The following TRIP11 variants were observed in gnomAD, a reference collection of about 807,000 sequenced individuals.
TRIP11 encodes the protein thyroid hormone receptor interactor 11.
A neutral mutation model predicts 223.1 loss-of-function variants in TRIP11; 148 were observed. The observed-to-expected ratio is 0.66, with a 90% confidence interval of 0.58 to 0.76. The LOEUF (loss-of-function observed/expected upper bound fraction) is 0.76. TRIP11 is among the 30% of genes least tolerant of loss of function. The probability of loss-of-function intolerance (pLI) is 0.00; values close to 1 mark genes in which losing one functional copy is unlikely to be tolerated. For missense variants in TRIP11, 2,043 were observed against 2,222.0 expected (o/e 0.92, Z 1.62); for synonymous variants, 762 against 772.6 (o/e 0.99, Z 0.23).
At chr14:92,026,464 G>A (rs1595407807) in intron 2 of TRIP11, 5 of 727,392 alleles carry the variant, frequency 6.9e-6, no homozygotes, top group African/African-American at 1.7e-5. Flanking sequence ...ATTGTTCCTC[G>A]TCCGCCTCCT....
intron 11 of TRIP11, among the ~76,000 whole-genome samples, chr14:92,000,428 C>A (rs557559124): frequency 6.6e-6 from 1 of 152,062 alleles, no homozygotes; most frequent in South Asian, 2.1e-4. Flanking sequence ...TTAAGGAATT[C>A]GAGTCAAGTA....
chr14:92,036,398 C>G (rs373966640), intron 1 of TRIP11, among the ~76,000 whole-genome samples: 1 of 152,108 alleles, frequency 6.6e-6, no homozygotes. Flanking sequence ...TCATTTAATC[C>G]TCTCAACCTC....
At chr14:91,983,065 C>G (rs2056563959) in intron 16 of TRIP11, among the ~76,000 whole-genome samples, 1 of 152,208 alleles carries the variant, frequency 6.6e-6, no homozygotes, top group South Asian at 2.1e-4. Flanking sequence ...GCCTTCTTAG[C>G]TATACCTATT....
chr14:92,019,754 A>G (rs2057085882), intron 4 of TRIP11, among the ~76,000 whole-genome samples: 1 of 152,224 alleles, frequency 6.6e-6, no homozygotes, highest in African/African-American at 2.4e-5. Context: ...AATCTGAAAC[A>G]TTTGAGTGCC....
chr14:91,991,284 AAGG>A (rs1326965185), intron 15 of TRIP11, among the ~76,000 whole-genome samples: 1 of 152,114 alleles, frequency 6.6e-6, no homozygotes, highest in Non-Finnish European at 1.5e-5. Flanking sequence ...ATGATGTAGC[AAGG>A]AGGTTTACCA....
chr14:92,030,799 G>C (rs1214314976), intron 2 of TRIP11: 1 of 152,072 alleles, frequency 6.6e-6, no homozygotes, highest in African/African-American at 2.4e-5. Context: ...AGATGACACA[G>C]AAATGAAAAA....
chr14:92,039,660 C>T lies in TRIP11; in HGVS notation c.26G>A (p.Gly9Asp), dbSNP rs2057362703. 1 of 1,612,326 alleles carries T rather than the reference C, an allele frequency of 6.2e-7. No individual in the cohort carries two copies. ...ACCCAGAGACTGGCCCAATCCGGAG[C>T]CGAGGCCCCCAAGCCAGGACGACAT... MSSWLGGL[G>D]SGLGQSLGQV... The change falls in exon 1 of 21, where the codon GGC becomes GAC. Residue 9 changes from glycine to aspartate, a missense_variant. By Grantham distance (94) the Gly-to-Asp change is moderately conservative. Transcript: ENST00000267622.
intron 16 of TRIP11, among the ~76,000 whole-genome samples, chr14:91,985,490 CAT>C (rs2056594702): frequency 1.3e-5 from 2 of 152,180 alleles, no homozygotes; most frequent in African/African-American, 4.8e-5. Context: ...CTCTCTTTTT[CAT>C]ATGTTTGACC....
At chr14:92,009,291 C>T (rs2056942871) in intron 9 of TRIP11, among the ~76,000 whole-genome samples, 1 of 152,168 alleles carries the variant, frequency 6.6e-6, no homozygotes, top group African/African-American at 2.4e-5. Flanking sequence ...ACCTTGGCCT[C>T]CCAAAGTGCT....
chr14:92,018,011 A>C (rs1305170782), intron 4 of TRIP11, among the ~76,000 whole-genome samples: 3 of 152,176 alleles, frequency 2.0e-5, no homozygotes, highest in Non-Finnish European at 4.4e-5. Flanking sequence ...AGGTAGAAAA[A>C]TTTATAGAAT....
chr14:92,025,207 AT>A lies in TRIP11; in HGVS notation c.312+102del, dbSNP rs201523358. ...ATCATTAAATTCATCACCTTTTCAT[AT>A]TTTTACAGATCTGAATATACCTCGA... On this transcript the variant is annotated intron_variant, in intron 3 of 20. Transcript: ENST00000267622. 1,440 of 880,932 alleles carry A rather than the reference AT, an allele frequency of 1.6e-3. 19 individuals carry two copies. In the African/African-American group the frequency reaches 0.021, roughly 13 times the overall value. The allele number at this position is 880,932 out of a possible 1,614,324, so 54.6% of individuals were successfully genotyped here.
chr14:92,002,788 T>G (rs1291773372), intron 11 of TRIP11, among the ~76,000 whole-genome samples: 1 of 151,820 alleles, frequency 6.6e-6, no homozygotes, highest in Admixed American at 6.6e-5. Context: ...ACTATGTTGG[T>G]CAGGCTGGTC....
chr14:92,009,738 A>G (rs1361775308), intron 9 of TRIP11, among the ~76,000 whole-genome samples: 1 of 152,226 alleles, frequency 6.6e-6, no homozygotes, highest in Non-Finnish European at 1.5e-5. Flanking sequence ...AACACTGCAT[A>G]TATACTAATG....
intron 16 of TRIP11, among the ~76,000 whole-genome samples, chr14:91,984,333 T>TAAAA: frequency 7.4e-6 from 1 of 134,322 alleles, no homozygotes; most frequent in Non-Finnish European, 1.7e-5. Flanking sequence ...TTTTTTTTTT[T>TAAAA]GGGACCAAGT....
At position 92,017,677 on chromosome 14, in the gene TRIP11, C is replaced by T; in HGVS notation, c.657+5G>A. ...CTCCCATCATCAATCAACAATTTGA[C>T]TTACCTTAATGATATTTTGTAGTTT... On this transcript the variant is annotated splice_donor_5th_base_variant and intron_variant, in intron 5 of 20. Transcript: ENST00000267622. 6.2e-7 allele frequency: 1 copy of T among 1,606,806 alleles called. No individual in the cohort carries two copies. The highest frequency in any genetic ancestry group is 8.5e-7 in the Non-Finnish European group (1 of 1,174,440).
At chr14:91,993,783 T>C in intron 15 of TRIP11, 26 bp downstream of exon 15, 1 of 1,546,558 alleles carries the variant, frequency 6.5e-7, no homozygotes, top group Non-Finnish European at 8.9e-7. Context: ...TAATAAAACC[T>C]ACAAGAGAAA....
intron 5 of TRIP11, among the ~76,000 whole-genome samples, chr14:92,016,361 A>G (rs1235581884): frequency 6.6e-6 from 1 of 152,142 alleles, no homozygotes; most frequent in Admixed American, 6.6e-5. Context: ...AGCTGAGTCC[A>G]TCGACTAGGG....
chr14:92,015,635 G>A, intron 6 of TRIP11, 61 bp downstream of exon 6: 2 of 1,415,866 alleles, frequency 1.4e-6, no homozygotes, highest in Admixed American at 2.1e-5. Flanking sequence ...TCCAGCCTGG[G>A]CAACAGATGG....
rs1566843418 is a variant in TRIP11 at position 91,975,287 on chromosome 14, CTA to C, written c.5343-3_5343-2del. 1.2e-6 allele frequency: 2 copies of C among 1,611,202 alleles called. No individual in the cohort carries two copies. The highest frequency in any genetic ancestry group is 1.7e-5 in the Admixed American group (1 of 59,950). On this transcript the variant is annotated splice_acceptor_variant and splice_polypyrimidine_tract_variant and intron_variant, in intron 17 of 20. Coordinates refer to ENST00000267622, the MANE Select transcript of TRIP11 (RefSeq NM_004239.4). LOFTEE classifies it high-confidence loss of function. The stretch of plus-strand genomic sequence containing the variant: ...AATGAAGAGGTTTCTCATTAGGACT[CTA>C]TGAAAATAAAGGCAGAAACAGCTCA...
Sources: gnomAD v4.1 joint callset for allele counts (sites outside exome capture counted in the v4.1 genomes callset) on GRCh38, gnomAD v4.1.1 for gene constraint, MANE v1.5 for transcripts, NCBI Gene and HGNC (gene_info 2026-07-23, HGNC 2026-07-21) for gene names.